CHST11: variants seen among roughly 807,000 people sequenced by gnomAD.
CHST11 encodes C4S-1.
In CHST11, 9 loss-of-function variants were observed where a neutral mutation model predicts 30.4. The observed-to-expected ratio is 0.30, with a 90% CI of 0.18 to 0.52. CHST11 has a LOEUF of 0.52. CHST11 is among the 20% of genes least tolerant of loss of function. The probability of loss-of-function intolerance (pLI) is 0.97; values close to 1 mark genes in which losing one functional copy is unlikely to be tolerated. For synonymous variants in CHST11, 152 were observed against 187.8 expected (o/e 0.81, Z 1.56); for missense variants, 348 against 460.6 (o/e 0.76, Z 2.24).
chr12:104,513,688 T>C (rs2037992436), intron 1 of CHST11, among the ~76,000 whole-genome samples: 1 of 152,192 alleles, frequency 6.6e-6, no homozygotes, highest in Non-Finnish European at 1.5e-5. Context: ...CTCTTGTTGA[T>C]TTGGTATTTG....
At chr12:104,586,460 G>A (rs777075608) in intron 1 of CHST11, among the ~76,000 whole-genome samples, 24 of 152,236 alleles carry the variant, frequency 1.6e-4, no homozygotes, top group Middle Eastern at 3.2e-3. Flanking sequence ...GAACTAAACA[G>A]CTTTCTGGAC....
intron 2 of CHST11, among the ~76,000 whole-genome samples, chr12:104,670,356 C>G (rs1428201188): frequency 6.6e-6 from 1 of 152,114 alleles, no homozygotes; most frequent in Non-Finnish European, 1.5e-5. Flanking sequence ...CAGGGTGGTC[C>G]TTCCCCGCTT....
intron 1 of CHST11, among the ~76,000 whole-genome samples, chr12:104,517,844 C>CA (rs2038039112): frequency 6.6e-6 from 1 of 152,190 alleles, no homozygotes; most frequent in Non-Finnish European, 1.5e-5. Context: ...GAAATGAAGC[C>CA]AGACATTTTA....
chr12:104,487,728 A>ATTT (rs11442051), intron 1 of CHST11, among the ~76,000 whole-genome samples: 1 of 147,474 alleles, frequency 6.8e-6, no homozygotes, highest in African/African-American at 2.5e-5. Context: ...GTATGTACCT[A>ATTT]TTTTTTTTTT....
chr12:104,662,434 G>A lies in CHST11; in HGVS notation c.204+60443G>A, dbSNP rs543532909. Among the ~76,000 whole-genome samples the A allele has an allele frequency of 5.9e-5, 9 of 152,292 alleles. No homozygotes were observed. In the South Asian group the frequency reaches 8.3e-4, roughly 14 times the overall value. On this transcript the variant is annotated intron_variant, in intron 2 of 2. Coordinates refer to ENST00000303694, the MANE Select transcript of CHST11 (RefSeq NM_018413.6). ...GGTAGTTCCTCCTCCTTATCATTGC[G>A]GTTAGTGATAATTGTGTATCTTTTT...
intron 1 of CHST11, among the ~76,000 whole-genome samples, chr12:104,532,452 T>C (rs547872999): frequency 3.3e-5 from 5 of 152,264 alleles, no homozygotes; most frequent in Non-Finnish European, 7.4e-5. Context: ...TTTATGAGTT[T>C]ATTACAAAGA....
At chr12:104,531,465 C>CAAAAAAAA (rs1439489189) in intron 1 of CHST11, among the ~76,000 whole-genome samples, 33 of 119,886 alleles carry the variant, frequency 2.8e-4, no homozygotes, top group African/African-American at 9.4e-4. Context: ...ATCCTGTGTC[C>CAAAAAAAA]AAAAAAAAAA....
intron 1 of CHST11, among the ~76,000 whole-genome samples, chr12:104,577,194 G>A (rs1175641243): frequency 4.2e-5 from 6 of 141,582 alleles, no homozygotes; most frequent in Admixed American, 7.1e-5. Flanking sequence ...TTTCTGTTTT[G>A]CACCGGTATG....
intron 1 of CHST11, among the ~76,000 whole-genome samples, chr12:104,573,060 T>C (rs1346266891): frequency 6.6e-6 from 1 of 152,218 alleles, no homozygotes; most frequent in Non-Finnish European, 1.5e-5. Context: ...AGCATTCTTA[T>C]ACACCAATAA....
rs140931715 is a variant in CHST11, at chr12:104,748,319, C to T, written c.205-8630C>T. On this transcript the variant is annotated intron_variant, in intron 2 of 2. Transcript: ENST00000303694. ...TCTCAAAGTTTGGTTCCTAGTCCAGCGGCATCAGCATCTCCTGGTGTTATA... is the reference window on the plus strand; with the variant it reads ...TCTCAAAGTTTGGTTCCTAGTCCAGTGGCATCAGCATCTCCTGGTGTTATA... Among the ~76,000 whole-genome samples the T allele has an allele frequency of 2.3e-3, 349 of 152,276 alleles. 4 individuals are homozygous for T. Among genetic ancestry groups the T allele is most frequent in the Non-Finnish European group, 9.9e-4 (67 of 68,020 alleles).
chr12:104,700,233 G>C (rs2039980359), intron 2 of CHST11, among the ~76,000 whole-genome samples: 3 of 152,090 alleles, frequency 2.0e-5, no homozygotes, highest in Admixed American at 2.0e-4. Flanking sequence ...GTAATACACT[G>C]GGGGTGTCGG....
chr12:104,562,299 A>C (rs1247666921), intron 1 of CHST11, among the ~76,000 whole-genome samples: 1 of 152,166 alleles, frequency 6.6e-6, no homozygotes, highest in Non-Finnish European at 1.5e-5. Context: ...CTCTAGGTGG[A>C]CAGATATGAT....
rs928471102 is a variant in CHST11, at chr12:104,656,668, T to C, written c.204+54677T>C. ...ACGCACAAGTAGCCCCTGCCGGCTT[T>C]GCTCATGGGATGTTGGGATGTTGTC... On this transcript the variant is annotated intron_variant, in intron 2 of 2. Coordinates refer to ENST00000303694, the MANE Select transcript of CHST11 (RefSeq NM_018413.6). Among the ~76,000 whole-genome samples the C allele has an allele frequency of 1.8e-4, 28 of 152,312 alleles. 3 individuals are homozygous for C. Among genetic ancestry groups the C allele is most frequent in the Admixed American group, 9.1e-4 (14 of 15,302 alleles).
At chr12:104,566,700 A>G (rs1242925806) in intron 1 of CHST11, among the ~76,000 whole-genome samples, 1 of 152,184 alleles carries the variant, frequency 6.6e-6, no homozygotes, top group Non-Finnish European at 1.5e-5. Context: ...GTTTGAAAGA[A>G]TAGGTCTTTA....
At chr12:104,459,399 C>T (rs2037386658) in intron 1 of CHST11, among the ~76,000 whole-genome samples, 1 of 152,150 alleles carries the variant, frequency 6.6e-6, no homozygotes, top group Admixed American at 6.5e-5. Context: ...GGTCTAGACT[C>T]TAGAGCTGTG....
intron 1 of CHST11, among the ~76,000 whole-genome samples, chr12:104,537,281 T>C (rs150169191): frequency 6.6e-6 from 1 of 152,306 alleles, no homozygotes; most frequent in East Asian, 1.9e-4. Context: ...CAGCAGAACC[T>C]AAGATGGTGG....
intron 1 of CHST11, chr12:104,514,290 G>T: frequency 1.1e-6 from 1 of 878,594 alleles, no homozygotes. Context: ...TGGCATTGGA[G>T]CGGTGTTTGG....
chr12:104,739,962 G>A (rs555425728), intron 2 of CHST11, among the ~76,000 whole-genome samples: 1 of 152,306 alleles, frequency 6.6e-6, no homozygotes, highest in South Asian at 2.1e-4. Flanking sequence ...ACATCCTAGG[G>A]AGAGTAAACC....
At chr12:104,668,607 C>G (rs1464640774) in intron 2 of CHST11, among the ~76,000 whole-genome samples, 1 of 152,192 alleles carries the variant, frequency 6.6e-6, no homozygotes, top group Non-Finnish European at 1.5e-5. Context: ...CCAGGTCTTT[C>G]CAGCTGTCTT....
Sources: allele counts gnomAD v4.1 joint callset (sites outside exome capture counted in the v4.1 genomes callset), GRCh38; gene constraint gnomAD v4.1.1; transcripts MANE v1.5; gene names NCBI Gene and HGNC (gene_info 2026-07-23, HGNC 2026-07-21).